The following NRG3 variants were observed in gnomAD, a reference collection of about 807,000 sequenced individuals.
NRG3 encodes neuregulin 3, also known as pro-neuregulin-3, membrane-bound isoform.
Under a neutral mutation model 66.9 loss-of-function variants are expected in NRG3, and 31 were observed. The observed-to-expected ratio is 0.46, with a 90% CI of 0.35 to 0.63. The LOEUF (loss-of-function observed/expected upper bound fraction) is 0.63, where lower values mean the gene tolerates loss of function less well. Ranked by LOEUF, NRG3 falls within the 20% of genes least tolerant of loss-of-function variation. The pLI is 0.00. For synonymous variants in NRG3, 393 were observed against 359.4 expected (o/e 1.09, Z -1.06); for missense variants, 910 against 878.9 (o/e 1.04, Z -0.45).
intron 2 of NRG3, among the ~76,000 whole-genome samples, chr10:82,604,800 T>C (rs555316617): frequency 8.7e-4 from 133 of 152,222 alleles, no homozygotes; most frequent in African/African-American, 3.0e-3. Flanking sequence ...AACAGGCAAA[T>C]TTCTTTTTCT....
chr10:81,994,561 A>C (rs2060861883), intron 1 of NRG3, among the ~76,000 whole-genome samples: 1 of 151,888 alleles, frequency 6.6e-6, no homozygotes, highest in Non-Finnish European at 1.5e-5. Context: ...CCTTGCATAA[A>C]GGATAGATAG....
At chr10:82,150,156 G>T (rs1282529530) in intron 1 of NRG3, among the ~76,000 whole-genome samples, 1 of 152,048 alleles carries the variant, frequency 6.6e-6, no homozygotes, top group Non-Finnish European at 1.5e-5. Flanking sequence ...GAGCCTCCGG[G>T]ACCCTTCAGA....
At chr10:82,934,552 C>T (rs7078693) in intron 4 of NRG3, among the ~76,000 whole-genome samples, 51,792 of 152,012 alleles carry the variant, frequency 0.34, 9,222 homozygotes, top group East Asian at 0.63. Flanking sequence ...AGTCCATCAT[C>T]CTTAGATCCT....
At chr10:82,179,644 A>G (rs951754521) in intron 1 of NRG3, among the ~76,000 whole-genome samples, 2 of 151,880 alleles carry the variant, frequency 1.3e-5, no homozygotes, top group African/African-American at 4.8e-5. Flanking sequence ...TTATTACTGT[A>G]GCTTTGTAAT....
intron 3 of NRG3, among the ~76,000 whole-genome samples, chr10:82,791,807 A>G (rs2060599958): frequency 6.6e-6 from 1 of 152,180 alleles, no homozygotes. Context: ...TTGCTTCAAC[A>G]AACTCTCTTA....
At chr10:82,075,325 T>C (rs1323289621) in intron 1 of NRG3, among the ~76,000 whole-genome samples, 4 of 152,186 alleles carry the variant, frequency 2.6e-5, no homozygotes, top group African/African-American at 9.7e-5. Flanking sequence ...AGTACCAAGT[T>C]GTAGATTTTG....
chr10:82,021,638 T>A (rs1247684057), intron 1 of NRG3, among the ~76,000 whole-genome samples: 5 of 152,082 alleles, frequency 3.3e-5, no homozygotes, highest in African/African-American at 1.2e-4. Context: ...AATTCACTTG[T>A]GGGATCCTCA....
intron 1 of NRG3, among the ~76,000 whole-genome samples, chr10:82,222,208 G>A (rs10884361): frequency 0.11 from 16,057 of 151,700 alleles, 866 homozygotes; most frequent in African/African-American, 0.12. Context: ...TTTGTTTTAA[G>A]TTTTTGCCCT....
At chr10:82,808,468 AAC>A (rs965176565) in intron 3 of NRG3, among the ~76,000 whole-genome samples, 2 of 152,298 alleles carry the variant, frequency 1.3e-5, no homozygotes, top group South Asian at 2.1e-4. Flanking sequence ...TATGTAATTA[AAC>A]ACACACATTT....
At chr10:82,017,919 G>A (rs2061864037) in intron 1 of NRG3, among the ~76,000 whole-genome samples, 1 of 152,096 alleles carries the variant, frequency 6.6e-6, no homozygotes, top group African/African-American at 2.4e-5. Context: ...AGTTTCTTTT[G>A]CTGTGCAGAA....
At chr10:82,012,473 A>C (rs2061620458) in intron 1 of NRG3, among the ~76,000 whole-genome samples, 2 of 152,214 alleles carry the variant, frequency 1.3e-5, no homozygotes, top group South Asian at 4.1e-4. Flanking sequence ...CTCATTATTT[A>C]TGCAGATTTC....
chr10:82,524,594 A>C (rs1232145200), intron 2 of NRG3, among the ~76,000 whole-genome samples: 1 of 151,880 alleles, frequency 6.6e-6, no homozygotes, highest in Non-Finnish European at 1.5e-5. Context: ...GATATATATA[A>C]TCACTTTTAG....
At chr10:82,688,442 G>A (rs1045355512) in intron 2 of NRG3, among the ~76,000 whole-genome samples, 2 of 152,044 alleles carry the variant, frequency 1.3e-5, no homozygotes, top group Non-Finnish European at 2.9e-5. Context: ...TAACATGACT[G>A]GTCATTGTTA....
chr10:82,191,021 T>G (rs550026867), intron 1 of NRG3, among the ~76,000 whole-genome samples: 24 of 152,158 alleles, frequency 1.6e-4, no homozygotes, highest in African/African-American at 5.5e-4. Flanking sequence ...GTGGCACTAT[T>G]CAGAACTGGG....
At chr10:82,846,062 G>A (rs1387119143) in intron 3 of NRG3, among the ~76,000 whole-genome samples, 1 of 152,098 alleles carries the variant, frequency 6.6e-6, no homozygotes, top group Admixed American at 6.6e-5. Flanking sequence ...CATTACCCCC[G>A]GAGAGATGAA....
chr10:82,073,835 T>C (rs1295104498), intron 1 of NRG3, among the ~76,000 whole-genome samples: 1 of 152,236 alleles, frequency 6.6e-6, no homozygotes, highest in African/African-American at 2.4e-5. Flanking sequence ...ATTTATTCAT[T>C]ACTTCATTCA....
Position 82,150,671 on chromosome 10 carries a change from C to G in NRG3, c.824-208068C>G, listed in dbSNP as rs568968817. On this transcript the variant is annotated intron_variant, in intron 1 of 8. Coordinates refer to ENST00000372141, the MANE Select transcript of NRG3 (RefSeq NM_001010848.4). ...CTGCAAGAACGGACACCACAAACTC[C>G]AGAGCAGAGGGCGCCTGGACATTCC... Among the ~76,000 whole-genome samples the G allele has an allele frequency of 3.3e-5, 5 of 152,146 alleles. No homozygotes were observed. The South Asian group carries it at 6.2e-4, about 19-fold the overall frequency.
intron 4 of NRG3, among the ~76,000 whole-genome samples, chr10:82,914,462 G>T (rs182586479): frequency 0.012 from 1,868 of 152,174 alleles, 20 homozygotes; most frequent in Non-Finnish European, 0.017. Flanking sequence ...CTAGCAGTCA[G>T]TTTTTGTTTA....
At chr10:82,177,981 G>C (rs990940649) in intron 1 of NRG3, among the ~76,000 whole-genome samples, 3 of 152,074 alleles carry the variant, frequency 2.0e-5, no homozygotes, top group African/African-American at 7.2e-5. Flanking sequence ...GTGAGGCACT[G>C]TGCCCAGCCC....
Sources: gnomAD v4.1 joint callset for allele counts (sites outside exome capture counted in the v4.1 genomes callset) on GRCh38, gnomAD v4.1.1 for gene constraint, MANE v1.5 for transcripts, NCBI Gene and HGNC (gene_info 2026-07-23, HGNC 2026-07-21) for gene names.